Variants in NAV2 observed in about 807,000 individuals in gnomAD.
NAV2 encodes neuron navigator 2, also known as helicase, APC down-regulated 1.
Under a neutral mutation model 223.2 loss-of-function variants are expected in NAV2, and 54 were observed. The observed-to-expected ratio is 0.24, with a 90% confidence interval of 0.19 to 0.30. The LOEUF is 0.30. Ranked by LOEUF, NAV2 falls within the 10% of genes least tolerant of loss-of-function variation. NAV2 has a pLI of 1.00. For missense variants in NAV2, 2,806 were observed against 3,147.5 expected (o/e 0.89, Z 2.60); for synonymous variants, 1,279 against 1,239.3 (o/e 1.03, Z -0.67).
At chr11:19,610,738 A>T (rs2046615739) in intron 1 of NAV2, among the ~76,000 whole-genome samples, 1 of 151,922 alleles carries the variant, frequency 6.6e-6, no homozygotes, top group Admixed American at 6.6e-5. Flanking sequence ...GGATGGATGG[A>T]TGGATGGATG....
At position 19,713,010 on chromosome 11, in the gene NAV2, A is replaced by G. The variant is rs1032706895; in HGVS notation, c.-686A>G. Among the ~76,000 whole-genome samples, 3 of 152,170 alleles carry G rather than the reference A, an allele frequency of 2.0e-5. No individual in the cohort carries two copies. Among genetic ancestry groups the G allele is most frequent in the African/African-American group, 7.2e-5 (3 of 41,462 alleles). Reference sequence around the variant, plus strand: ...AGCATGTGCAGACCCGCAGGCGCTAAGGTGCTCTCAGTCCGGGGGCCTTCT... The same window carrying G: ...AGCATGTGCAGACCCGCAGGCGCTAGGGTGCTCTCAGTCCGGGGGCCTTCT... On this transcript the variant is annotated 5_prime_UTR_variant, in exon 1 of 38. Transcript: ENST00000349880. The surrounding 1 kb of genome is among the most constrained non-coding windows in gnomAD (Gnocchi z 7.2).
intron 5 of NAV2, 110 bp downstream of exon 5, chr11:19,880,237 G>A: frequency 7.2e-7 from 1 of 1,389,236 alleles, no homozygotes; most frequent in Non-Finnish European, 9.6e-7. Context: ...CTTCAATGCT[G>A]AGAGCTACTG....
intron 1 of NAV2, among the ~76,000 whole-genome samples, chr11:19,800,379 G>A (rs991482508): frequency 2.0e-5 from 3 of 152,146 alleles, no homozygotes; most frequent in Non-Finnish European, 2.9e-5. Flanking sequence ...CCCCCTCCTG[G>A]GAACATGTAT....
intron 1 of NAV2, among the ~76,000 whole-genome samples, chr11:19,449,505 T>A (rs1438148553): frequency 2.0e-5 from 3 of 151,832 alleles, no homozygotes; most frequent in Non-Finnish European, 4.4e-5. Flanking sequence ...GGAAAGCACT[T>A]CTATACTAAG....
At chr11:19,375,713 C>T (rs939192284) in intron 1 of NAV2, among the ~76,000 whole-genome samples, 2 of 152,124 alleles carry the variant, frequency 1.3e-5, no homozygotes, top group Non-Finnish European at 2.9e-5. Context: ...GTTCAGGTCC[C>T]GTCACACTAC....
chr11:19,808,717 C>T (rs2058703967), intron 1 of NAV2, among the ~76,000 whole-genome samples: 1 of 152,156 alleles, frequency 6.6e-6, no homozygotes, highest in Admixed American at 6.5e-5. Flanking sequence ...AATGCTGCCA[C>T]CTATTGCTGG....
At position 19,467,050 on chromosome 11, in the gene NAV2, TAG is replaced by T. The variant is rs1196393422; in HGVS notation, c.75+116035_75+116036del. ...AGAGAGAGAGAGAGAGAGAGATAGA[TAG>T]AGAGAGAGAGATGGATATCTATCTG... On this transcript the variant is annotated intron_variant, in intron 1 of 37. Transcript: ENST00000360655. 4.9e-4 allele frequency among the ~76,000 whole-genome samples: 64 copies of T among 131,568 alleles called. 2 individuals are homozygous for T. Among genetic ancestry groups the T allele is most frequent in the African/African-American group, 1.7e-3 (57 of 34,124 alleles). 86.3% of individuals were successfully genotyped at this position (131,568 alleles called of 152,430 possible).
chr11:19,791,590 C>T (rs1402428974), intron 1 of NAV2, among the ~76,000 whole-genome samples: 1 of 152,138 alleles, frequency 6.6e-6, no homozygotes, highest in South Asian at 2.1e-4. Flanking sequence ...GTTCTTCCCT[C>T]CCTAAAAAGA....
At chr11:19,438,186 G>A (rs1468231520) in intron 1 of NAV2, among the ~76,000 whole-genome samples, 1 of 152,202 alleles carries the variant, frequency 6.6e-6, no homozygotes, top group Non-Finnish European at 1.5e-5. Flanking sequence ...CCTCATCGTT[G>A]TGCTTTAATG....
chr11:19,745,052 C>T (rs754007865), intron 1 of NAV2, among the ~76,000 whole-genome samples: 3 of 152,200 alleles, frequency 2.0e-5, no homozygotes, highest in Non-Finnish European at 2.9e-5. Flanking sequence ...TATTCCCTAT[C>T]GCTCTCTAGC....
intron 1 of NAV2, among the ~76,000 whole-genome samples, chr11:19,735,159 C>T (rs189465442): frequency 1.3e-4 from 20 of 152,296 alleles, no homozygotes; most frequent in Non-Finnish European, 2.6e-4. Context: ...CTGCAGTTGT[C>T]GTGCCAGGCC....
Position 19,778,026 on chromosome 11 carries a change from G to T in NAV2, c.268-54458G>T, listed in dbSNP as rs889196637. 45 of 454,762 alleles carry T rather than the reference G, an allele frequency of 9.9e-5. No individual in the cohort carries two copies. In the Admixed American group the frequency reaches 1.0e-3, roughly 10 times the overall value. The allele number at this position is 454,762 out of a possible 1,614,324, so 28.2% of individuals were successfully genotyped here. On this transcript the variant is annotated intron_variant, in intron 1 of 37. Coordinates refer to ENST00000349880, the MANE Select transcript of NAV2 (RefSeq NM_145117.5). ...GGTCCTCCTCCCGCCTCTCACAATG[G>T]CTTAGTTCTCTTTCAAGCTTGCAAA...
intron 1 of NAV2, among the ~76,000 whole-genome samples, chr11:19,693,746 C>T (rs1396626587): frequency 6.6e-6 from 1 of 152,108 alleles, no homozygotes; most frequent in Non-Finnish European, 1.5e-5. Context: ...AGCCCACACA[C>T]CAGCGACTGG....
chr11:19,516,298 G>C (rs189657546), intron 1 of NAV2, among the ~76,000 whole-genome samples: 1 of 152,158 alleles, frequency 6.6e-6, no homozygotes, highest in Non-Finnish European at 1.5e-5. Context: ...TAGTATTGAA[G>C]TTTGAGCCCC....
intron 1 of NAV2, among the ~76,000 whole-genome samples, chr11:19,630,292 G>A (rs1251532817): frequency 6.6e-6 from 1 of 152,148 alleles, no homozygotes; most frequent in African/African-American, 2.4e-5. Context: ...CTCAACCTGA[G>A]CAAGAAGAAG....
chr11:19,481,764 G>A (rs1372325630), intron 1 of NAV2, among the ~76,000 whole-genome samples: 2 of 152,202 alleles, frequency 1.3e-5, no homozygotes, highest in African/African-American at 4.8e-5. Context: ...AATATACTCT[G>A]TAGTTGAGTG....
At chr11:19,792,552 G>A (rs1367877000) in intron 1 of NAV2, among the ~76,000 whole-genome samples, 1 of 152,204 alleles carries the variant, frequency 6.6e-6, no homozygotes, top group Non-Finnish European at 1.5e-5. Flanking sequence ...CTGTGACACT[G>A]CTGCTGTTTG....
intron 1 of NAV2, among the ~76,000 whole-genome samples, chr11:19,739,461 T>C (rs1388132911): frequency 6.6e-6 from 1 of 152,144 alleles, no homozygotes; most frequent in African/African-American, 2.4e-5. Context: ...CCCTTAATTG[T>C]TACTTCAGAG....
intron 1 of NAV2, among the ~76,000 whole-genome samples, chr11:19,719,087 GGT>G (rs533164892): frequency 3.1e-3 from 471 of 152,246 alleles, no homozygotes; most frequent in Non-Finnish European, 5.9e-3. Context: ...CCTTCAGAGA[GGT>G]GTTTTCATGA....
Sources: gnomAD v4.1 joint callset for allele counts (sites outside exome capture counted in the v4.1 genomes callset) on GRCh38, gnomAD v4.1.1 for gene constraint, Gnocchi (gnomAD v3.1) non-coding constraint, MANE v1.5 for transcripts, NCBI Gene and HGNC (gene_info 2026-07-23, HGNC 2026-07-21) for gene names.